The following PPM1E variants were observed in gnomAD, a reference collection of about 807,000 sequenced individuals.
PPM1E encodes the protein protein phosphatase 1E.
In PPM1E, 20 loss-of-function variants were observed where a neutral mutation model predicts 65.9. The ratio of observed to expected loss-of-function variants is 0.30; its 90% CI spans 0.21 to 0.44. The LOEUF (loss-of-function observed/expected upper bound fraction) is 0.44, where lower values mean the gene tolerates loss of function less well. Among genes scored for constraint, PPM1E ranks in the 20% least tolerant of loss-of-function variants. The pLI is 1.00. For synonymous variants in PPM1E, 352 were observed against 374.9 expected (o/e 0.94, Z 0.70); for missense variants, 713 against 953.1 (o/e 0.75, Z 3.32).
At chr17:58,781,531 A>G (rs2050049517) in intron 1 of PPM1E, among the ~76,000 whole-genome samples, 1 of 152,028 alleles carries the variant, frequency 6.6e-6, no homozygotes, top group African/African-American at 2.4e-5. Context: ...CCTTGCTGAC[A>G]TTTTCGTCTT....
At chr17:58,975,631 G>T (rs996490590) in intron 6 of PPM1E, among the ~76,000 whole-genome samples, 1 of 152,198 alleles carries the variant, frequency 6.6e-6, no homozygotes, top group Non-Finnish European at 1.5e-5. Flanking sequence ...GGCATGGCAT[G>T]TTTTAGGAAA....
At chr17:58,861,290 A>G (rs939693163) in intron 1 of PPM1E, among the ~76,000 whole-genome samples, 15 of 152,258 alleles carry the variant, frequency 9.9e-5, no homozygotes, top group South Asian at 2.1e-4. Context: ...ACAACAAAAC[A>G]TAAGAACAAG....
chr17:58,969,610 C>T lies in PPM1E; in HGVS notation c.855C>T (p.Ser285=), dbSNP rs2030467074. The T allele has an allele frequency of 6.2e-7, 1 of 1,614,014 alleles. No individual in the cohort carries two copies. The highest frequency in any genetic ancestry group is 1.3e-5 in the African/African-American group (1 of 74,912). Reference sequence around the variant, plus strand: ...GAGTAGATGCTGCTATTTATGCCTCCATTCACCTCCACGTTAACTTAGTCC... The same window carrying T: ...GAGTAGATGCTGCTATTTATGCCTCTATTCACCTCCACGTTAACTTAGTCC... ...HGGVDAAIYA[S]IHLHVNLVRQ... Residue 285 remains serine (S), a synonymous_variant, in exon 4 of 7, where the codon TCC becomes TCT. Transcript: ENST00000308249.
intron 1 of PPM1E, among the ~76,000 whole-genome samples, chr17:58,788,458 C>T (rs895253597): frequency 5.3e-5 from 8 of 152,238 alleles, no homozygotes; most frequent in East Asian, 1.9e-4. Flanking sequence ...TCTTTCACTA[C>T]GGGTATAGTT....
Position 58,756,010 on chromosome 17 carries a change from A to C in PPM1E, c.13A>C (p.Ile5Leu). ...GGCATGAGCAGCGATGGCCGGCTGCATCCCTGAGGAGAAAACTTACCGGCG... is the reference window on the plus strand; with the variant it reads ...GGCATGAGCAGCGATGGCCGGCTGCCTCCCTGAGGAGAAAACTTACCGGCG... MAGC[I>L]PEEKTYRRFL... Residue 5 changes from isoleucine to leucine, a missense_variant, in exon 1 of 7, where the codon ATC becomes CTC. This residue lies in a region of PPM1E where 212 missense variants were observed against 204.0 expected (regional missense o/e 1.04). Coordinates refer to ENST00000308249, the MANE Select transcript of PPM1E (RefSeq NM_014906.5). The C allele has an allele frequency of 6.2e-7, 1 of 1,613,982 alleles. No homozygotes were observed.
intron 1 of PPM1E, among the ~76,000 whole-genome samples, chr17:58,909,107 C>T (rs1416058277): frequency 2.6e-5 from 4 of 151,714 alleles, no homozygotes; most frequent in Non-Finnish European, 5.9e-5. Context: ...TTATGTGCAT[C>T]TAAGTTTCTG....
intron 1 of PPM1E, among the ~76,000 whole-genome samples, chr17:58,930,538 A>G (rs1567878283): frequency 6.6e-6 from 1 of 152,216 alleles, no homozygotes; most frequent in Non-Finnish European, 1.5e-5. Context: ...TGCCGTGAAT[A>G]ACATAAAAAC....
chr17:58,892,810 A>G (rs1165742208), intron 1 of PPM1E, among the ~76,000 whole-genome samples: 2 of 152,236 alleles, frequency 1.3e-5, no homozygotes, highest in Non-Finnish European at 2.9e-5. Flanking sequence ...CCAAAGAAGT[A>G]CAGACACTTT....
chr17:58,979,893 G>A (rs2031262769), intron 6 of PPM1E, 81 bp from the exon 7 acceptor site: 11 of 1,103,254 alleles, frequency 1.0e-5, no homozygotes, highest in Non-Finnish European at 1.4e-5. Flanking sequence ...TGTGATCAGA[G>A]TCATGGCATT....
chr17:58,770,140 T>C (rs753743385), intron 1 of PPM1E, among the ~76,000 whole-genome samples: 3 of 152,192 alleles, frequency 2.0e-5, no homozygotes, highest in Non-Finnish European at 2.9e-5. Context: ...ATCCATATAC[T>C]GTAACATAGT....
At chr17:58,829,115 T>A (rs1210912768) in intron 1 of PPM1E, among the ~76,000 whole-genome samples, 2 of 152,102 alleles carry the variant, frequency 1.3e-5, no homozygotes, top group Non-Finnish European at 2.9e-5. Flanking sequence ...CAATCTCAGC[T>A]CACTGCAACC....
At chr17:58,771,056 C>A (rs1003798556) in intron 1 of PPM1E, among the ~76,000 whole-genome samples, 12 of 151,776 alleles carry the variant, frequency 7.9e-5, no homozygotes, top group Admixed American at 7.9e-4. Context: ...GGGGTTTCAC[C>A]ATGTTGGCCA....
intron 1 of PPM1E, among the ~76,000 whole-genome samples, chr17:58,909,794 T>A (rs2051601901): frequency 6.6e-6 from 1 of 152,076 alleles, no homozygotes; most frequent in Non-Finnish European, 1.5e-5. Flanking sequence ...TTTTTGTTTT[T>A]GTTTTTTGAC....
intron 1 of PPM1E, among the ~76,000 whole-genome samples, chr17:58,850,900 A>C (rs556939493): frequency 6.6e-6 from 1 of 152,278 alleles, no homozygotes; most frequent in Non-Finnish European, 1.5e-5. Context: ...TCTCCCCGTC[A>C]CTTTCAGGTA....
At chr17:58,840,712 A>G (rs1035617611) in intron 1 of PPM1E, among the ~76,000 whole-genome samples, 6 of 152,280 alleles carry the variant, frequency 3.9e-5, no homozygotes, top group Admixed American at 3.3e-4. Context: ...ATTTAGAAAT[A>G]TTTGAGCAAA....
At chr17:58,815,592 A>C (rs1416546857) in intron 1 of PPM1E, among the ~76,000 whole-genome samples, 1 of 152,180 alleles carries the variant, frequency 6.6e-6, no homozygotes, top group African/African-American at 2.4e-5. Flanking sequence ...CCTTTCAAAG[A>C]ATATTTTCTA....
intron 6 of PPM1E, among the ~76,000 whole-genome samples, chr17:58,973,950 T>C: frequency 2.3e-5 from 1 of 44,098 alleles, no homozygotes; most frequent in Non-Finnish European, 3.8e-5. Context: ...AGACTCCATC[T>C]CAAAAAAAAA....
intron 1 of PPM1E, among the ~76,000 whole-genome samples, chr17:58,916,438 G>T (rs1441837927): frequency 6.6e-6 from 1 of 152,056 alleles, no homozygotes; most frequent in East Asian, 1.9e-4. Flanking sequence ...AGAAATTATA[G>T]CTTAAGGATG....
At chr17:58,959,924 C>A (rs1054003657) in intron 2 of PPM1E, among the ~76,000 whole-genome samples, 7 of 152,102 alleles carry the variant, frequency 4.6e-5, no homozygotes, top group African/African-American at 2.4e-5. Flanking sequence ...AATTTAATAT[C>A]ATTCCTAAAT....
Sources: allele counts gnomAD v4.1 joint callset (sites outside exome capture counted in the v4.1 genomes callset), GRCh38; gene constraint gnomAD v4.1.1; regional missense constraint gnomAD v4.1.1; transcripts MANE v1.5; gene names NCBI Gene and HGNC (gene_info 2026-07-23, HGNC 2026-07-21).